FBXL2: variants seen among roughly 807,000 people sequenced by gnomAD.
The protein encoded by FBXL2 is F-box and leucine rich repeat protein 2.
A neutral mutation model predicts 69.2 loss-of-function variants in FBXL2; 38 were observed. The observed-to-expected ratio is 0.55, with a 90% CI of 0.42 to 0.72. FBXL2 has a LOEUF of 0.72. Ranked by LOEUF, FBXL2 falls within the 30% of genes least tolerant of loss-of-function variation. FBXL2 has a pLI of 0.00. For synonymous variants in FBXL2, 192 were observed against 201.3 expected (o/e 0.95, Z 0.39); for missense variants, 354 against 520.3 (o/e 0.68, Z 3.11).
chr3:33,354,666 T>C (rs962866009), intron 2 of FBXL2, among the ~76,000 whole-genome samples: 1 of 152,204 alleles, frequency 6.6e-6, no homozygotes, highest in South Asian at 2.1e-4. Context: ...CATAATTGAA[T>C]AGTGGCAGCT....
chr3:33,359,552 A>AT (rs1223008864), intron 4 of FBXL2, among the ~76,000 whole-genome samples, 195 bp downstream of exon 4: 1 of 152,014 alleles, frequency 6.6e-6, no homozygotes, highest in Non-Finnish European at 1.5e-5. Context: ...TCAGTAACAG[A>AT]TTTTTTTCCC....
intron 5 of FBXL2, 29 bp downstream of exon 5, chr3:33,364,748 T>C (rs544730645): frequency 1.9e-6 from 3 of 1,553,630 alleles, no homozygotes; most frequent in East Asian, 2.2e-5. Context: ...CTCACTGTCA[T>C]GGCAGCTTGT....
intron 12 of FBXL2, among the ~76,000 whole-genome samples, chr3:33,402,247 C>A (rs1342109928): frequency 6.6e-6 from 1 of 152,156 alleles, no homozygotes; most frequent in African/African-American, 2.4e-5. Flanking sequence ...TTGCTCCCAC[C>A]CTGAGCTTAC....
At chr3:33,290,900 G>A (rs1386736004) in intron 1 of FBXL2, among the ~76,000 whole-genome samples, 1 of 151,936 alleles carries the variant, frequency 6.6e-6, no homozygotes, top group Non-Finnish European at 1.5e-5. Flanking sequence ...TTGACACCTT[G>A]TCAGAAACAG....
chr3:33,318,532 A>G lies in FBXL2; in HGVS notation c.65+20807A>G, dbSNP rs562224024. Among the ~76,000 whole-genome samples, 3 of 152,282 alleles carry G rather than the reference A, an allele frequency of 2.0e-5. No homozygotes were observed. The South Asian group carries it at 6.2e-4, about 32-fold the overall frequency. The stretch of plus-strand genomic sequence containing the variant: ...GCTGTCCAGATAATCATAAGCAATT[A>G]TATTACATAACATGTCTTTATCTTG... On this transcript the variant is annotated intron_variant, in intron 2 of 14. Transcript: ENST00000484457.
At chr3:33,388,212 GAAA>G (rs1028216298), downstream of FBXL2, 101 of 152,148 alleles carry the variant, frequency 6.6e-4, no homozygotes, top group African/African-American at 2.3e-3. Context: ...AACTGAAAAG[GAAA>G]AAACTATGAG....
chr3:33,345,308 C>T (rs187302839), intron 2 of FBXL2, among the ~76,000 whole-genome samples: 8 of 152,214 alleles, frequency 5.3e-5, no homozygotes, highest in Admixed American at 5.2e-4. Context: ...TTTGCACAAC[C>T]CTTTTTCCAA....
chr3:33,311,612 C>T (rs1211486906), intron 2 of FBXL2, among the ~76,000 whole-genome samples: 1 of 151,830 alleles, frequency 6.6e-6, no homozygotes, highest in Non-Finnish European at 1.5e-5. Context: ...GTGTTCTTAG[C>T]TACGGAATTT....
intron 2 of FBXL2, among the ~76,000 whole-genome samples, chr3:33,325,000 C>T (rs184764299): frequency 4.8e-4 from 73 of 152,208 alleles, no homozygotes; most frequent in Middle Eastern, 3.4e-3. Flanking sequence ...TTGTAGTTCT[C>T]CACAAAGAGG....
intron 12 of FBXL2, chr3:33,400,151 A>G: frequency 7.7e-7 from 1 of 1,301,942 alleles, no homozygotes; most frequent in Non-Finnish European, 1.0e-6. Flanking sequence ...CAAAAACAAA[A>G]CATTCTCATG....
At chr3:33,336,626 A>G (rs2039599147) in intron 2 of FBXL2, among the ~76,000 whole-genome samples, 1 of 152,224 alleles carries the variant, frequency 6.6e-6, no homozygotes, top group African/African-American at 2.4e-5. Flanking sequence ...TTAAAAAACA[A>G]CTGAGCGCAG....
chr3:33,410,745 T>C, the FBXL2 span, among the ~76,000 whole-genome samples: 3 of 152,134 alleles, frequency 2.0e-5, no homozygotes, highest in Admixed American at 2.0e-4. Flanking sequence ...ATGATATTTA[T>C]GGATGAAATG....
At chr3:33,286,529 A>G (rs2034633933) in intron 1 of FBXL2, among the ~76,000 whole-genome samples, 1 of 152,120 alleles carries the variant, frequency 6.6e-6, no homozygotes, top group Admixed American at 6.5e-5. Flanking sequence ...CAGATCTCCA[A>G]CTCCGTGCTC....
At chr3:33,315,845 A>G (rs971130712) in intron 2 of FBXL2, among the ~76,000 whole-genome samples, 2 of 151,332 alleles carry the variant, frequency 1.3e-5, no homozygotes, top group Non-Finnish European at 2.9e-5. Context: ...TTTTTCTTTT[A>G]AAACTTTGCA....
At chr3:33,372,971 T>G in intron 5 of FBXL2, 121 bp from the exon 6 acceptor site, 1 of 832,200 alleles carries the variant, frequency 1.2e-6, no homozygotes, top group Non-Finnish European at 2.1e-6. Context: ...GAACCCTAGC[T>G]GATTGTTACG....
In FBXL2 at chr3:33,310,401, C is replaced by T. The variant is rs537512218; in HGVS notation, c.65+12676C>T. Reference sequence around the variant, plus strand: ...CTCCTGAACTCAGGTAATCTGCCCACCTCAGCCTCCCAAAGTGCTAGGATT... The same window carrying T: ...CTCCTGAACTCAGGTAATCTGCCCATCTCAGCCTCCCAAAGTGCTAGGATT... On this transcript the variant is annotated intron_variant, in intron 2 of 14. Coordinates refer to ENST00000484457, the MANE Select transcript of FBXL2 (RefSeq NM_012157.5). Among the ~76,000 whole-genome samples the T allele has an allele frequency of 1.2e-3, 187 of 152,262 alleles. 1 individual carries two copies. Among genetic ancestry groups the T allele is most frequent in the South Asian group, 2.5e-3 (12 of 4,830 alleles).
chr3:33,370,287 G>A (rs2042207939), intron 5 of FBXL2, among the ~76,000 whole-genome samples: 1 of 151,818 alleles, frequency 6.6e-6, no homozygotes, highest in African/African-American at 2.4e-5. Context: ...GCGTGATGGC[G>A]GGCACCTGTA....
At chr3:33,400,041 G>A in intron 12 of FBXL2, 1 of 446,638 alleles carries the variant, frequency 2.2e-6, no homozygotes, top group Non-Finnish European at 3.8e-6. Flanking sequence ...TCCTATTGGG[G>A]GATAGATATA....
chr3:33,284,381 T>C (rs940949760), intron 1 of FBXL2, among the ~76,000 whole-genome samples: 3 of 152,352 alleles, frequency 2.0e-5, no homozygotes, highest in Middle Eastern at 3.4e-3. Flanking sequence ...TAATCCTGAG[T>C]TCTAGTTTGA....
Sources: allele counts gnomAD v4.1 joint callset (sites outside exome capture counted in the v4.1 genomes callset), GRCh38; gene constraint gnomAD v4.1.1; transcripts MANE v1.5; gene names NCBI Gene and HGNC (gene_info 2026-07-23, HGNC 2026-07-21).